The following MYCBP2 variants were observed in gnomAD, a reference collection of about 807,000 sequenced individuals.
MYCBP2 encodes E3 ubiquitin-protein ligase MYCBP2.
Under a neutral mutation model 525.3 loss-of-function variants are expected in MYCBP2, and 120 were observed. The ratio of observed to expected loss-of-function variants is 0.23; its 90% CI spans 0.20 to 0.27. The LOEUF (loss-of-function observed/expected upper bound fraction) is 0.27. Among genes scored for constraint, MYCBP2 ranks in the 10% least tolerant of loss-of-function variants. The pLI is 1.00. For missense variants in MYCBP2, 4,149 were observed against 5,657.1 expected (o/e 0.73, Z 8.55); for synonymous variants, 1,894 against 1,955.8 (o/e 0.97, Z 0.83).
intron 16 of MYCBP2, 135 bp from the exon 17 acceptor site, chr13:77,243,295 A>G: frequency 1.4e-6 from 1 of 724,850 alleles, no homozygotes; most frequent in Non-Finnish European, 2.3e-6. Flanking sequence ...TTACTTTAAT[A>G]ATTCTTAGCC....
At position 77,211,333 on chromosome 13, in the gene MYCBP2, AT is replaced by A. The variant is rs2154281481; in HGVS notation, c.3263-14del. On this transcript the variant is annotated splice_polypyrimidine_tract_variant and intron_variant, in intron 22 of 82. Coordinates refer to ENST00000544440, the MANE Select transcript of MYCBP2 (RefSeq NM_015057.5). The stretch of plus-strand genomic sequence containing the variant: ...GCAGGTACCAAGCCTTAAGAAAAAA[AT>A]ATTTATATATAATTTTAATATATAT... 1 of 1,268,150 alleles carries A rather than the reference AT, an allele frequency of 7.9e-7. No individual in the cohort carries two copies. The highest frequency in any genetic ancestry group is 1.0e-6 in the Non-Finnish European group (1 of 984,928). 78.6% of individuals were successfully genotyped at this position (1,268,150 alleles called of 1,614,324 possible).
chr13:77,240,695 C>T (rs762523167), intron 17 of MYCBP2, among the ~76,000 whole-genome samples: 15 of 152,136 alleles, frequency 9.9e-5, no homozygotes, highest in Non-Finnish European at 7.4e-5. Flanking sequence ...CACAGAAATA[C>T]GGGAACTCTG....
intron 26 of MYCBP2, among the ~76,000 whole-genome samples, chr13:77,202,596 G>A (rs1032978109): frequency 9.2e-5 from 14 of 151,680 alleles, no homozygotes; most frequent in Admixed American, 6.6e-5. Context: ...AACCAAAAAA[G>A]AGAATTTTAG....
intron 62 of MYCBP2, 75 bp downstream of exon 62, chr13:77,087,409 A>G: frequency 4.0e-6 from 5 of 1,247,298 alleles, no homozygotes; most frequent in Non-Finnish European, 5.6e-6. Flanking sequence ...ATTTCATGCA[A>G]ATTATTGGAC....
At chr13:77,095,664 A>C (rs2046127760) in intron 57 of MYCBP2, 62 bp from the exon 58 acceptor site, 2 of 1,547,946 alleles carry the variant, frequency 1.3e-6, no homozygotes, top group Admixed American at 2.0e-5. Context: ...TAGTTTCTTA[A>C]GCTAAGTATT....
At position 77,171,940 on chromosome 13, in the gene MYCBP2, G is replaced by A. The variant is rs570665262; in HGVS notation, c.5652-306C>T. Among the ~76,000 whole-genome samples, 28 of 152,110 alleles carry A rather than the reference G, an allele frequency of 1.8e-4. No homozygotes were observed. In the South Asian group the frequency reaches 4.0e-3, roughly 21 times the overall value. ...ATTTGAGACAGAGTCTTGCTCTGTCGCCCAGGCTGGAGTGCAGTGGCATGA... is the reference window on the plus strand; with the variant it reads ...ATTTGAGACAGAGTCTTGCTCTGTCACCCAGGCTGGAGTGCAGTGGCATGA... On this transcript the variant is annotated intron_variant, in intron 37 of 82. Transcript: ENST00000544440.
In MYCBP2 at chr13:77,273,533, G is replaced by A. The variant is rs1284640334; in HGVS notation, c.884C>T (p.Thr295Ile). 1 of 1,613,132 alleles carries A rather than the reference G, an allele frequency of 6.2e-7. No individual in the cohort carries two copies. Among genetic ancestry groups the A allele is most frequent in the East Asian group, 2.2e-5 (1 of 44,860 alleles). Residue 295 changes from threonine (T) to isoleucine (I), a missense_variant, in exon 5 of 83, where the codon ACA (threonine) becomes ATA (isoleucine). Around this residue, in one of 21 missense-constraint regions of MYCBP2, gnomAD observed 413 missense variants for 451.2 expected, o/e 0.92. Transcript: ENST00000544440. The part of the protein sequence containing the change: ...LVASWGETGR[T>I]LQAISAILTN... Reference sequence around the variant, plus strand: ...GAGGATAGCAGAGATGGCCTGAAGTGTCCTTCCTGTTTCTCCCCAAGAAGC... The same window carrying A: ...GAGGATAGCAGAGATGGCCTGAAGTATCCTTCCTGTTTCTCCCCAAGAAGC...
chr13:77,215,872 C>T (rs951097340), intron 21 of MYCBP2, among the ~76,000 whole-genome samples: 1 of 152,172 alleles, frequency 6.6e-6, no homozygotes, highest in Non-Finnish European at 1.5e-5. Context: ...TGAGCCACCA[C>T]ACCTGGCCTA....
chr13:77,225,876 G>T (rs184766280), intron 18 of MYCBP2, among the ~76,000 whole-genome samples: 33 of 152,184 alleles, frequency 2.2e-4, no homozygotes, highest in Admixed American at 1.9e-3. Context: ...GTTTATATGG[G>T]AAAATTTAGT....
chr13:77,150,115 A>G (rs1188698611), intron 47 of MYCBP2, among the ~76,000 whole-genome samples: 1 of 152,204 alleles, frequency 6.6e-6, no homozygotes, highest in African/African-American at 2.4e-5. Context: ...TAACTAAAAC[A>G]TCCAAAATAT....
intron 72 of MYCBP2, among the ~76,000 whole-genome samples, chr13:77,065,560 C>T (rs2040058012): frequency 6.6e-6 from 1 of 152,140 alleles, no homozygotes; most frequent in African/African-American, 2.4e-5. Context: ...CCCAGATCTC[C>T]TTTGGAAGCC....
chr13:77,062,042 A>T (rs1299097893), intron 74 of MYCBP2, among the ~76,000 whole-genome samples: 1 of 152,246 alleles, frequency 6.6e-6, no homozygotes, highest in African/African-American at 2.4e-5. Flanking sequence ...TGTTACTTAG[A>T]GACTTAAGAA....
chr13:77,168,492 G>C lies in MYCBP2; in HGVS notation c.6050C>G (p.Ser2017Cys). 1 of 1,614,086 alleles carries C rather than the reference G, an allele frequency of 6.2e-7. No homozygotes were observed. Among genetic ancestry groups the C allele is most frequent in the Non-Finnish European group, 8.5e-7 (1 of 1,180,020 alleles). ...ACTCTCTATGACAGCATAGTGACTG[G>C]AGGTTGTACAAGCAGAGAGGCCCTG... ...PEQGLSACTT[S>C]SHYAVIESEH... Residue 2017 changes from serine (S) to cysteine (C), a missense_variant, in exon 40 of 83, where the codon TCC becomes TGC. Physicochemically the swap from Ser to Cys is moderately radical, Grantham distance 112. Coordinates refer to ENST00000544440, the MANE Select transcript of MYCBP2 (RefSeq NM_015057.5).
At chr13:77,199,082 G>A (rs969028440) in intron 26 of MYCBP2, among the ~76,000 whole-genome samples, 35 of 152,184 alleles carry the variant, frequency 2.3e-4, no homozygotes, top group Non-Finnish European at 4.0e-4. Flanking sequence ...AGCTCCCAGC[G>A]TGAGCAACAC....
Position 77,057,091 on chromosome 13 carries a change from C to G in MYCBP2, c.13332G>C (p.Leu4444=). The change falls in exon 79 of 83, where the codon CTG becomes CTC. Residue 4444 remains leucine (L), a splice_region_variant and synonymous_variant. Transcript: ENST00000544440. ...GTAAGTGGAATATGTGACTACAATC[C>G]AGCTTAAATAAACAAAAGAAAAGGA... The part of the protein sequence containing the change: ...EALSAAPAIQ[L]DCSHIFHLQC... The G allele has an allele frequency of 6.2e-7, 1 of 1,607,728 alleles. No individual in the cohort carries two copies. The highest frequency in any genetic ancestry group is 8.5e-7 in the Non-Finnish European group (1 of 1,174,634).
intron 1 of MYCBP2, among the ~76,000 whole-genome samples, chr13:77,325,936 A>T (rs912426154): frequency 6.6e-6 from 1 of 152,000 alleles, no homozygotes; most frequent in Non-Finnish European, 1.5e-5. Context: ...CTTATCCAAA[A>T]CTCAACCAAT....
intron 16 of MYCBP2, among the ~76,000 whole-genome samples, chr13:77,243,442 G>A (rs867143273): frequency 6.6e-6 from 1 of 151,846 alleles, no homozygotes; most frequent in Non-Finnish European, 1.5e-5. Flanking sequence ...GTGAAACCCC[G>A]TCTCTACTAA....
At chr13:77,123,771 G>A (rs2051163242) in intron 54 of MYCBP2, among the ~76,000 whole-genome samples, 1 of 152,114 alleles carries the variant, frequency 6.6e-6, no homozygotes, top group Non-Finnish European at 1.5e-5. Flanking sequence ...TCCTTTAGAA[G>A]TCACCTAAGC....
At chr13:77,057,629 T>C (rs947712257) in intron 78 of MYCBP2, among the ~76,000 whole-genome samples, 3 of 152,158 alleles carry the variant, frequency 2.0e-5, no homozygotes, top group Admixed American at 1.3e-4. Context: ...TACTGGGGGA[T>C]AATCTAATTA....
Sources: gnomAD v4.1 joint callset for allele counts (sites outside exome capture counted in the v4.1 genomes callset) on GRCh38, gnomAD v4.1.1 for gene constraint, gnomAD v4.1.1 regional missense constraint, MANE v1.5 for transcripts, NCBI Gene and HGNC (gene_info 2026-07-23, HGNC 2026-07-21) for gene names.